The following TMX4 variants were observed in gnomAD, a reference collection of about 807,000 sequenced individuals.
The protein encoded by TMX4 is thioredoxin-related transmembrane protein 4.
A neutral mutation model predicts 33.3 loss-of-function variants in TMX4; 23 were observed. That is an observed-to-expected ratio of 0.69 (90% CI 0.50 to 0.98). The LOEUF (loss-of-function observed/expected upper bound fraction) is 0.98, where lower values mean the gene tolerates loss of function less well. Ranked by LOEUF, TMX4 falls within the 50% of genes least tolerant of loss-of-function variation. The pLI is 0.00. For synonymous variants in TMX4, 164 were observed against 161.5 expected (o/e 1.02, Z -0.12); for missense variants, 399 against 448.9 (o/e 0.89, Z 1.01).
intron 1 of TMX4, among the ~76,000 whole-genome samples, chr20:8,016,327 G>A (rs949906740): frequency 3.9e-5 from 6 of 152,040 alleles, no homozygotes; most frequent in Non-Finnish European, 5.9e-5. Context: ...AGCTGAAATC[G>A]CACCACTGCG....
intron 1 of TMX4, among the ~76,000 whole-genome samples, chr20:8,016,351 G>A (rs998523407): frequency 3.9e-5 from 6 of 152,060 alleles, no homozygotes; most frequent in African/African-American, 9.7e-5. Context: ...CAGCCTGGGC[G>A]ACAAAGTGAG....
intron 5 of TMX4, among the ~76,000 whole-genome samples, chr20:7,995,712 T>C (rs1436785526): frequency 2.6e-5 from 4 of 152,078 alleles, no homozygotes; most frequent in African/African-American, 4.8e-5. Flanking sequence ...CTTTCCTTTG[T>C]AGGGAGATAT....
At chr20:7,988,936 T>C (rs6140487) in intron 5 of TMX4, among the ~76,000 whole-genome samples, 2 of 151,438 alleles carry the variant, frequency 1.3e-5, no homozygotes, top group Non-Finnish European at 2.9e-5. Flanking sequence ...GGCAGGAGAA[T>C]TGCTTGAACC....
Position 7,982,036 on chromosome 20 carries a change from A to G in TMX4, c.*215T>C. ...CCATCCCAGTCTCCAAACAGATCCCAACACTACGTTTGTTTTTCTATATCC... is the reference window on the plus strand; with the variant it reads ...CCATCCCAGTCTCCAAACAGATCCCGACACTACGTTTGTTTTTCTATATCC... On this transcript the variant is annotated 3_prime_UTR_variant, in exon 8 of 8. Coordinates refer to ENST00000246024, the MANE Select transcript of TMX4 (RefSeq NM_021156.4). 1 of 558,122 alleles carries G rather than the reference A, an allele frequency of 1.8e-6. No individual in the cohort carries two copies. The highest frequency in any genetic ancestry group is 3.1e-6 in the Non-Finnish European group (1 of 318,430). 34.6% of individuals were successfully genotyped at this position (558,122 alleles called of 1,614,324 possible).
At chr20:8,012,512 A>G (rs2050757024) in intron 1 of TMX4, among the ~76,000 whole-genome samples, 1 of 152,122 alleles carries the variant, frequency 6.6e-6, no homozygotes, top group Non-Finnish European at 1.5e-5. Context: ...TATTTCTTTG[A>G]TAAAAATCGT....
rs527240935 is a variant in TMX4, at chr20:7,982,162, G to A, written c.*89C>T. ...CTTTTAAGAGAAGCTTGCTCATTCA[G>A]GAAAAATTAAGGATTTGGTACAAAC... On this transcript the variant is annotated 3_prime_UTR_variant, in exon 8 of 8. Coordinates refer to ENST00000246024, the MANE Select transcript of TMX4 (RefSeq NM_021156.4). The A allele has an allele frequency of 1.5e-4, 214 of 1,380,650 alleles. 1 individual carries two copies. The highest frequency in any genetic ancestry group is 7.4e-4 in the South Asian group (52 of 70,484). The allele number at this position is 1,380,650 out of a possible 1,614,324, so 85.5% of individuals were successfully genotyped here.
chr20:7,996,671 T>C (rs1013713257), intron 4 of TMX4, among the ~76,000 whole-genome samples: 1 of 152,162 alleles, frequency 6.6e-6, no homozygotes, highest in African/African-American at 2.4e-5. Context: ...ACTTGTGCCT[T>C]GGATCCTATC....
At chr20:7,991,483 G>A (rs528359405) in intron 5 of TMX4, among the ~76,000 whole-genome samples, 3 of 152,206 alleles carry the variant, frequency 2.0e-5, no homozygotes, top group Non-Finnish European at 2.9e-5. Context: ...TCCAAAAATC[G>A]GAAATTCAAA....
intron 4 of TMX4, among the ~76,000 whole-genome samples, chr20:7,997,746 T>C (rs970506556): frequency 1.3e-5 from 2 of 152,244 alleles, no homozygotes; most frequent in African/African-American, 4.8e-5. Flanking sequence ...GGCACCTCTC[T>C]GCGCAAAAAT....
At chr20:7,989,642 T>A (rs2050645780) in intron 5 of TMX4, among the ~76,000 whole-genome samples, 1 of 152,172 alleles carries the variant, frequency 6.6e-6, no homozygotes. Flanking sequence ...ATTAATCAGG[T>A]TGTACTTTCA....
chr20:8,019,615 T>C lies in TMX4; in HGVS notation c.-2A>G, dbSNP rs2050804106. 1.8e-5 allele frequency: 24 copies of C among 1,340,918 alleles called. No homozygotes were observed. Among genetic ancestry groups the C allele is most frequent in the Non-Finnish European group, 2.2e-5 (23 of 1,045,282 alleles). 83.1% of individuals were successfully genotyped at this position (1,340,918 alleles called of 1,614,324 possible). A position where few individuals can be genotyped will look rare whatever the true frequency, so the allele number is the denominator to read the frequency against. On this transcript the variant is annotated 5_prime_UTR_variant, in exon 1 of 8. Coordinates refer to ENST00000246024, the MANE Select transcript of TMX4 (RefSeq NM_021156.4). ...CGGGCCGCAGCGCCCACCCGCCATG[T>C]TGGGCGCCGAGCGAGGCTTCTCGGC...
intron 3 of TMX4, among the ~76,000 whole-genome samples, chr20:8,001,165 C>T (rs2050705541): frequency 1.3e-5 from 2 of 152,170 alleles, no homozygotes. Context: ...CTCTCTTGGG[C>T]TTTTTTATGC....
At chr20:8,019,283 G>C in intron 1 of TMX4, 155 bp downstream of exon 1, 1 of 887,418 alleles carries the variant, frequency 1.1e-6, no homozygotes, top group Non-Finnish European at 1.6e-6. Flanking sequence ...GATCGCAAGC[G>C]GCCCGGCACC....
chr20:8,016,276 G>A (rs1423852252), intron 1 of TMX4, among the ~76,000 whole-genome samples: 1 of 152,186 alleles, frequency 6.6e-6, no homozygotes, highest in Non-Finnish European at 1.5e-5. Flanking sequence ...GGAGGCTGAG[G>A]CAGGAGAATT....
intron 2 of TMX4, among the ~76,000 whole-genome samples, chr20:8,007,473 G>A (rs2050735717): frequency 6.6e-6 from 1 of 152,096 alleles, no homozygotes; most frequent in African/African-American, 2.4e-5. Flanking sequence ...GCTGCCAAAG[G>A]AATTATTTTA....
intron 5 of TMX4, 91 bp from the exon 6 acceptor site, chr20:7,987,480 T>C (rs1401541530): frequency 5.9e-6 from 5 of 846,376 alleles, no homozygotes; most frequent in Non-Finnish European, 8.8e-6. Flanking sequence ...TCTACATACA[T>C]AGGTTCCCAC....
chr20:7,982,383 A>G lies in TMX4; in HGVS notation c.918T>C (p.Gly306=). The G allele has an allele frequency of 6.2e-7, 1 of 1,613,840 alleles. No homozygotes were observed. The highest frequency in any genetic ancestry group is 1.3e-5 in the African/African-American group (1 of 74,886). The change falls in exon 8 of 8, where the codon GGT becomes GGC. Residue 306 remains glycine (G), a synonymous_variant. Coordinates refer to ENST00000246024, the MANE Select transcript of TMX4 (RefSeq NM_021156.4). ...CAGGCTCTACTTCCTCCCGGGTCACACCGTCCTCTCCTGGGGGCCCCTGAT... is the reference window on the plus strand; with the variant it reads ...CAGGCTCTACTTCCTCCCGGGTCACGCCGTCCTCTCCTGGGGGCCCCTGAT... ...ANDQGPPGED[G]VTREEVEPEE... is the part of the protein sequence containing the mutation.
At chr20:7,995,485 C>T (rs1261942868) in intron 5 of TMX4, among the ~76,000 whole-genome samples, 1 of 152,108 alleles carries the variant, frequency 6.6e-6, no homozygotes, top group Non-Finnish European at 1.5e-5. Flanking sequence ...ACTTAAAGGC[C>T]AGATTGTAAA....
intron 1 of TMX4, among the ~76,000 whole-genome samples, chr20:8,016,633 A>C (rs560957760): frequency 6.2e-4 from 95 of 152,312 alleles, no homozygotes; most frequent in African/African-American, 2.2e-3. Context: ...ATACTGCTAG[A>C]TTCTTAAGAA....
Sources: allele counts gnomAD v4.1 joint callset (sites outside exome capture counted in the v4.1 genomes callset), GRCh38; gene constraint gnomAD v4.1.1; transcripts MANE v1.5; gene names NCBI Gene and HGNC (gene_info 2026-07-23, HGNC 2026-07-21).